The following MPDZ variants were observed in gnomAD, a reference collection of about 807,000 sequenced individuals.
MPDZ encodes the protein multiple PDZ domain crumbs cell polarity complex component, also known as multiple PDZ domain protein.
In MPDZ, 234 loss-of-function variants were observed where a neutral mutation model predicts 239.1. The observed-to-expected ratio is 0.98, with a 90% CI of 0.88 to 1.09. The LOEUF (loss-of-function observed/expected upper bound fraction) is 1.09, where lower values mean the gene tolerates loss of function less well. Ranked by LOEUF, MPDZ falls within the 50% of genes least tolerant of loss-of-function variation. The pLI, the probability that MPDZ is intolerant of heterozygous loss-of-function variation, is 0.00. For synonymous variants in MPDZ, 1,048 were observed against 881.3 expected (o/e 1.19, Z -3.35); for missense variants, 3,175 against 2,510.0 (o/e 1.26, Z -5.66).
chr9:13,153,523 A>C (rs1020145224), intron 24 of MPDZ, among the ~76,000 whole-genome samples: 2 of 152,094 alleles, frequency 1.3e-5, no homozygotes, highest in Non-Finnish European at 2.9e-5. Flanking sequence ...AGTCCACTGC[A>C]GCCTTGACTT....
chr9:13,258,639 T>A (rs1969982181), intron 1 of MPDZ, among the ~76,000 whole-genome samples: 1 of 152,190 alleles, frequency 6.6e-6, no homozygotes, highest in South Asian at 2.1e-4. Context: ...TATAGAAATG[T>A]CACAGTACCC....
At chr9:13,185,186 G>A (rs1479988458) in intron 18 of MPDZ, among the ~76,000 whole-genome samples, 1 of 151,810 alleles carries the variant, frequency 6.6e-6, no homozygotes. Flanking sequence ...TAAGTTACCT[G>A]GTATGTTAAG....
chr9:13,227,190 C>T (rs1301480570), intron 3 of MPDZ, among the ~76,000 whole-genome samples: 4 of 151,988 alleles, frequency 2.6e-5, no homozygotes, highest in African/African-American at 9.7e-5. Context: ...AAACAGAAAA[C>T]TCATTAAGTT....
At chr9:13,118,883 A>G (rs1269078718) in intron 39 of MPDZ, among the ~76,000 whole-genome samples, 1 of 152,194 alleles carries the variant, frequency 6.6e-6, no homozygotes, top group African/African-American at 2.4e-5. Flanking sequence ...GTTTAGAATG[A>G]TATCTAGGGA....
chr9:13,118,341 C>G (rs189942869), intron 39 of MPDZ, among the ~76,000 whole-genome samples: 1 of 152,250 alleles, frequency 6.6e-6, no homozygotes, highest in Non-Finnish European at 1.5e-5. Context: ...TGAGAAGTGA[C>G]GAATGTTAAC....
rs145801890 is a variant in MPDZ at position 13,209,780 on chromosome 9, T to C, written c.1291-3681A>G. 4.3e-4 allele frequency among the ~76,000 whole-genome samples: 66 copies of C among 152,042 alleles called. 1 individual carries two copies. The highest frequency in any genetic ancestry group is 1.5e-3 in the African/African-American group (62 of 41,494). ...CCCCAAAAAAAAGAAAAAGAAAACT[T>C]ACAATGAAGGCAGTCAACAAGATTT... On this transcript the variant is annotated intron_variant, in intron 10 of 46. Coordinates refer to ENST00000319217, the MANE Select transcript of MPDZ (RefSeq NM_001378778.1).
Position 13,247,689 on chromosome 9 carries a change from A to G in MPDZ, c.129T>C (p.Pro43=), listed in dbSNP as rs1966845055. 2 of 1,613,450 alleles carry G rather than the reference A, an allele frequency of 1.2e-6. No individual in the cohort carries two copies. The highest frequency in any genetic ancestry group is 1.7e-6 in the Non-Finnish European group (2 of 1,179,552). Residue 43 remains proline, a synonymous_variant, in exon 3 of 47, where the codon CCT becomes CCC. Transcript: ENST00000319217. ...GAAGGCTCAGAATCTGACTGAAGAG[A>G]GGGCTCTGCAGGACTGACTTCAGAA... ...LSLLKSVLQS[P]LFSQILSLQT...
Position 13,232,109 on chromosome 9 carries a change from G to T in MPDZ, c.184-7526C>A, listed in dbSNP as rs180994591. ...ATAAGGCAAGGAAAATAAATTAAAA[G>T]TATAAAGACTAGAATTGAAGAAACA... On this transcript the variant is annotated intron_variant, in intron 3 of 46. Transcript: ENST00000319217. Among the ~76,000 whole-genome samples, 5 of 152,190 alleles carry T rather than the reference G, an allele frequency of 3.3e-5. No individual in the cohort carries two copies. In the East Asian group the frequency reaches 9.7e-4, roughly 29 times the overall value.
intron 3 of MPDZ, among the ~76,000 whole-genome samples, chr9:13,236,809 T>C (rs1489514933): frequency 6.6e-6 from 1 of 152,134 alleles, no homozygotes; most frequent in Admixed American, 6.5e-5. Flanking sequence ...TACCTTCTTT[T>C]TTAAAAACTT....
At position 13,109,935 on chromosome 9, in the gene MPDZ, A is replaced by T. The variant is rs1447509440; in HGVS notation, c.5942+17T>A. On this transcript the variant is annotated intron_variant, in intron 45 of 46. Coordinates refer to ENST00000319217, the MANE Select transcript of MPDZ (RefSeq NM_001378778.1). Reference sequence around the variant, plus strand: ...ATAAGTGAAAAATGATACACTAATCATCATGTATGAACTCACCCTAAATCA... The same window carrying T: ...ATAAGTGAAAAATGATACACTAATCTTCATGTATGAACTCACCCTAAATCA... 1.3e-6 allele frequency: 2 copies of T among 1,584,504 alleles called. No homozygotes were observed. Among genetic ancestry groups the T allele is most frequent in the Non-Finnish European group, 1.7e-6 (2 of 1,156,538 alleles).
intron 46 of MPDZ, among the ~76,000 whole-genome samples, chr9:13,108,310 T>C (rs1249845772): frequency 6.6e-6 from 1 of 152,126 alleles, no homozygotes; most frequent in Non-Finnish European, 1.5e-5. Context: ...TACTGCAATA[T>C]CTTTATTCTT....
At chr9:13,200,762 T>G (rs894833528) in intron 12 of MPDZ, among the ~76,000 whole-genome samples, 1 of 152,162 alleles carries the variant, frequency 6.6e-6, no homozygotes, top group African/African-American at 2.4e-5. Flanking sequence ...TATTCCATTA[T>G]GGTCAGAAAA....
intron 22 of MPDZ, 147 bp downstream of exon 22, chr9:13,168,219 C>G (rs1951321667): frequency 8.0e-6 from 6 of 750,464 alleles, no homozygotes; most frequent in Non-Finnish European, 1.3e-5. Flanking sequence ...GAGAACTACT[C>G]AAAAATAGTC....
rs754076628 is a variant in MPDZ, at chr9:13,110,031, C to G, written c.5863G>C (p.Gly1955Arg). The G allele has an allele frequency of 6.2e-7, 1 of 1,613,316 alleles. No individual in the cohort carries two copies. Among genetic ancestry groups the G allele is most frequent in the East Asian group, 2.2e-5 (1 of 44,852 alleles). Residue 1955 changes from glycine to arginine, a missense_variant, in exon 45 of 47, where the codon GGT becomes CGT. By Grantham distance (125) the Gly-to-Arg change is moderately radical. Coordinates refer to ENST00000319217, the MANE Select transcript of MPDZ (RefSeq NM_001378778.1). ...VAGGDVSVVTGHQQEPASSSL... is the reference protein window; with the variant it reads ...VAGGDVSVVTRHQQEPASSSL... ...GAACTTGCAGGCTCCTGCTGATGAC[C>G]TGTGACCACACTCACGTCTCCTCCA...
chr9:13,271,934 G>C (rs948391200), intron 1 of MPDZ, among the ~76,000 whole-genome samples: 1 of 152,068 alleles, frequency 6.6e-6, no homozygotes, highest in Non-Finnish European at 1.5e-5. Flanking sequence ...TCTAGAGAAC[G>C]CAAACTAATC....
intron 12 of MPDZ, among the ~76,000 whole-genome samples, chr9:13,203,474 A>G (rs1326228312): frequency 6.6e-6 from 1 of 152,132 alleles, no homozygotes; most frequent in Non-Finnish European, 1.5e-5. Context: ...CAACTGCCCC[A>G]AGACTGGATT....
At position 13,150,556 on chromosome 9, in the gene MPDZ, T is replaced by G; in HGVS notation, c.3585A>C (p.Pro1195=). The G allele has an allele frequency of 1.9e-6, 3 of 1,576,218 alleles. No individual in the cohort carries two copies. The highest frequency in any genetic ancestry group is 2.6e-6 in the Non-Finnish European group (3 of 1,159,656). The change falls in exon 25 of 47, where the codon CCA becomes CCC. Residue 1195 remains proline, a synonymous_variant. Transcript: ENST00000319217. ...GTTTCAAGGTTCCATTTTTGCCAGC[T>G]GGACTATCTTCCAGAACATGTTTGA... ...IFIKHVLEDS[P]AGKNGTLKPG...
At chr9:13,198,737 C>CTGTGTGTGTGTGTGTGTGTG (rs1554691393) in intron 12 of MPDZ, among the ~76,000 whole-genome samples, 34 of 69,676 alleles carry the variant, frequency 4.9e-4, no homozygotes, top group South Asian at 1.4e-3. Context: ...ATCTCTCTCT[C>CTGTGTGTGTGTGTGTGTGTG]TGTGTGTGTG....
At chr9:13,217,756 A>T (rs1958537891) in intron 8 of MPDZ, among the ~76,000 whole-genome samples, 1 of 151,794 alleles carries the variant, frequency 6.6e-6, no homozygotes, top group African/African-American at 2.4e-5. Flanking sequence ...GAATAACAAC[A>T]ACTAGACCAG....
Sources: gnomAD v4.1 joint callset for allele counts (sites outside exome capture counted in the v4.1 genomes callset) on GRCh38, gnomAD v4.1.1 for gene constraint, MANE v1.5 for transcripts, NCBI Gene and HGNC (gene_info 2026-07-23, HGNC 2026-07-21) for gene names.